AGBL3: variants seen among roughly 807,000 people sequenced by gnomAD.
AGBL3 encodes the protein cytosolic carboxypeptidase 3.
AGBL3 carries 68 observed loss-of-function variants against 94.5 expected under a neutral mutation model. The observed-to-expected ratio is 0.72, with a 90% CI of 0.59 to 0.88. AGBL3 has a LOEUF of 0.88. AGBL3 is among the 40% of genes least tolerant of loss of function. AGBL3 has a pLI of 0.00. For missense variants in AGBL3, 934 were observed against 1,103.8 expected (o/e 0.85, Z 2.18); for synonymous variants, 354 against 370.7 (o/e 0.95, Z 0.52).
At chr7:135,094,236 C>A in intron 15 of AGBL3, 1 of 379,514 alleles carries the variant, frequency 2.6e-6, no homozygotes, top group Non-Finnish European at 5.2e-6. Context: ...ACATTCCTGT[C>A]CTTACAACAA....
chr7:134,990,562 G>C (rs1401974913), intron 3 of AGBL3, among the ~76,000 whole-genome samples: 1 of 152,084 alleles, frequency 6.6e-6, no homozygotes, highest in Non-Finnish European at 1.5e-5. Context: ...GAATATTTTT[G>C]TACAAGTCCT....
chr7:135,000,235 G>C (rs1811546771), intron 4 of AGBL3, among the ~76,000 whole-genome samples: 1 of 152,206 alleles, frequency 6.6e-6, no homozygotes, highest in African/African-American at 2.4e-5. Context: ...TTATGTGTCA[G>C]CTTGACTGGG....
At chr7:135,039,563 C>A (rs942711550) in intron 8 of AGBL3, among the ~76,000 whole-genome samples, 1 of 151,946 alleles carries the variant, frequency 6.6e-6, no homozygotes, top group African/African-American at 2.4e-5. Context: ...GGTGAAACCT[C>A]ATCTCTACTA....
At chr7:135,037,655 GATA>G (rs1816443123) in intron 8 of AGBL3, 75 bp downstream of exon 8, 2 of 1,254,050 alleles carry the variant, frequency 1.6e-6, no homozygotes, top group Non-Finnish European at 2.1e-6. Context: ...GGCCCACGTG[GATA>G]ATACTATTCC....
At chr7:135,035,581 T>C (rs961540220) in intron 7 of AGBL3, among the ~76,000 whole-genome samples, 9 of 152,080 alleles carry the variant, frequency 5.9e-5, no homozygotes, top group African/African-American at 2.2e-4. Context: ...AAGTAGAATA[T>C]CTTTTTACCC....
At chr7:135,045,440 C>A (rs1297444302) in intron 9 of AGBL3, 34 bp from the exon 10 acceptor site, 33 of 1,495,138 alleles carry the variant, frequency 2.2e-5, no homozygotes, top group Non-Finnish European at 3.0e-5. Flanking sequence ...TATTAACTTA[C>A]CCTCAAGGGT....
rs763246610 is a variant in AGBL3, at chr7:135,017,859, C to T, written c.418+700C>T. On this transcript the variant is annotated intron_variant, in intron 5 of 16. Transcript: ENST00000436302. ...CTCACAAACAACTCACAAAAATATACTCACAATATTTTTAAACAAATGGAG... is the reference window on the plus strand; with the variant it reads ...CTCACAAACAACTCACAAAAATATATTCACAATATTTTTAAACAAATGGAG... Among the ~76,000 whole-genome samples the T allele has an allele frequency of 6.0e-4, 91 of 152,232 alleles. 1 individual carries two copies. Among genetic ancestry groups the T allele is most frequent in the Middle Eastern group, 6.8e-3 (2 of 294 alleles).
chr7:135,044,311 T>C (rs962102059), intron 9 of AGBL3, among the ~76,000 whole-genome samples, 160 bp downstream of exon 9: 2 of 152,180 alleles, frequency 1.3e-5, no homozygotes, highest in East Asian at 1.9e-4. Context: ...TCTCAAAATA[T>C]GGTATCTCTA....
intron 12 of AGBL3, among the ~76,000 whole-genome samples, chr7:135,072,442 C>CTGCTATAAAGACACA (rs1820011333): frequency 6.6e-6 from 1 of 152,150 alleles, no homozygotes; most frequent in African/African-American, 2.4e-5. Context: ...ATAAAACATG[C>CTGCTATAAAGACACA]TGCTATAAAG....
At chr7:135,055,588 A>C (rs1818274693) in intron 11 of AGBL3, among the ~76,000 whole-genome samples, 1 of 152,294 alleles carries the variant, frequency 6.6e-6, no homozygotes, top group African/African-American at 2.4e-5. Flanking sequence ...ATGTTGAAAC[A>C]ACCTGGCATA....
chr7:135,084,380 T>A (rs1224268718), intron 15 of AGBL3, among the ~76,000 whole-genome samples: 1 of 152,258 alleles, frequency 6.6e-6, no homozygotes, highest in South Asian at 2.1e-4. Context: ...TATTTGAAAA[T>A]ACACAATAAA....
intron 15 of AGBL3, among the ~76,000 whole-genome samples, chr7:135,096,596 G>GATAC (rs1563260248): frequency 5.2e-5 from 7 of 134,506 alleles, no homozygotes; most frequent in Admixed American, 2.2e-4. Flanking sequence ...TAGATAGATA[G>GATAC]ATAGATAGAT....
rs1174157447 is a variant in AGBL3 at position 135,034,493 on chromosome 7, A to G, written c.902A>G (p.Tyr301Cys). The G allele has an allele frequency of 6.4e-7, 1 of 1,551,908 alleles. No homozygotes were observed. The highest frequency in any genetic ancestry group is 2.0e-5 in the Admixed American group (1 of 51,012). The change falls in exon 7 of 17, where the codon TAC becomes TGC. Residue 301 changes from tyrosine (Y) to cysteine (C), a missense_variant. Coordinates refer to ENST00000436302, the MANE Select transcript of AGBL3 (RefSeq NM_178563.4). ...DTCYFAHCYP[Y>C]TYTNLQEYLS... Reference sequence around the variant, plus strand: ...TGCTACTTTGCTCATTGCTATCCATACACTTACACCAACCTGCAAGAATAC... The same window carrying G: ...TGCTACTTTGCTCATTGCTATCCATGCACTTACACCAACCTGCAAGAATAC...
intron 12 of AGBL3, among the ~76,000 whole-genome samples, chr7:135,064,616 G>C (rs187944581): frequency 1.8e-4 from 27 of 152,318 alleles, no homozygotes; most frequent in African/African-American, 6.3e-4. Flanking sequence ...ATAGTGTTAA[G>C]AGAATTTGCT....
intron 11 of AGBL3, among the ~76,000 whole-genome samples, chr7:135,047,530 C>T (rs1409200662): frequency 6.6e-6 from 1 of 151,950 alleles, no homozygotes; most frequent in East Asian, 1.9e-4. Context: ...CCACATTCTC[C>T]CTAACACTTG....
intron 11 of AGBL3, among the ~76,000 whole-genome samples, chr7:135,057,132 C>A (rs551755572): frequency 2.6e-5 from 4 of 151,962 alleles, no homozygotes; most frequent in Non-Finnish European, 5.9e-5. Flanking sequence ...AAAAGAGCAA[C>A]AAAAATCCCT....
At chr7:135,077,742 C>T (rs1820585949) in intron 13 of AGBL3, among the ~76,000 whole-genome samples, 1 of 152,014 alleles carries the variant, frequency 6.6e-6, no homozygotes, top group South Asian at 2.1e-4. Context: ...TGAGTCAAAT[C>T]TTAAAACGTT....
intron 15 of AGBL3, among the ~76,000 whole-genome samples, chr7:135,109,392 T>C (rs989739579): frequency 9.2e-5 from 14 of 151,596 alleles, no homozygotes; most frequent in Non-Finnish European, 1.8e-4. Flanking sequence ...ATTGGCTCGA[T>C]AGCCCCAGCA....
chr7:135,121,205 C>CA (rs1173597416), intron 16 of AGBL3, among the ~76,000 whole-genome samples: 35 of 151,860 alleles, frequency 2.3e-4, no homozygotes, highest in African/African-American at 7.5e-4. Flanking sequence ...AACTCCGTCT[C>CA]AAAAAACAAA....
Sources: gnomAD v4.1 joint callset for allele counts (sites outside exome capture counted in the v4.1 genomes callset) on GRCh38, gnomAD v4.1.1 for gene constraint, MANE v1.5 for transcripts, NCBI Gene and HGNC (gene_info 2026-07-23, HGNC 2026-07-21) for gene names.